The following NRXN3 variants were observed in gnomAD, a reference collection of about 807,000 sequenced individuals.
NRXN3 encodes the protein neurexin III.
A neutral mutation model predicts 137.6 loss-of-function variants in NRXN3; 32 were observed. The ratio of observed to expected loss-of-function variants is 0.23; its 90% CI spans 0.18 to 0.31. NRXN3 has a LOEUF of 0.31. Among genes scored for constraint, NRXN3 ranks in the 10% least tolerant of loss-of-function variants. The probability of loss-of-function intolerance (pLI) is 1.00; values close to 1 mark genes in which losing one functional copy is unlikely to be tolerated. For missense variants in NRXN3, 1,574 were observed against 2,062.5 expected (o/e 0.76, Z 4.59); for synonymous variants, 798 against 784.5 (o/e 1.02, Z -0.29).
At chr14:79,631,622 T>G (rs1243302054) in intron 16 of NRXN3, among the ~76,000 whole-genome samples, 1 of 152,232 alleles carries the variant, frequency 6.6e-6, no homozygotes, top group Admixed American at 6.5e-5. Flanking sequence ...AAGTCGCCAG[T>G]GAGTGCCACT....
chr14:78,321,109 C>T (rs1470924307), intron 4 of NRXN3, among the ~76,000 whole-genome samples: 2 of 149,104 alleles, frequency 1.3e-5, no homozygotes, highest in Non-Finnish European at 3.0e-5. Context: ...AGCGAGACTT[C>T]ATTTCAAAAA....
intron 17 of NRXN3, among the ~76,000 whole-genome samples, chr14:79,677,218 G>A (rs1181553053): frequency 6.6e-6 from 1 of 151,748 alleles, no homozygotes; most frequent in Non-Finnish European, 1.5e-5. Context: ...CTCAAAGGGT[G>A]GATTGCCAAG....
intron 19 of NRXN3, among the ~76,000 whole-genome samples, chr14:79,783,364 G>A (rs2099119804): frequency 6.6e-6 from 1 of 152,196 alleles, no homozygotes; most frequent in Non-Finnish European, 1.5e-5. Context: ...ACATTTAAAT[G>A]TTACAGATTG....
At chr14:78,918,422 A>G (rs1870060717) in intron 10 of NRXN3, among the ~76,000 whole-genome samples, 1 of 152,162 alleles carries the variant, frequency 6.6e-6, no homozygotes, top group South Asian at 2.1e-4. Flanking sequence ...TTTTATGTGG[A>G]AGAACAGAAC....
intron 19 of NRXN3, among the ~76,000 whole-genome samples, chr14:79,710,051 T>C (rs192427217): frequency 2.6e-5 from 4 of 152,274 alleles, no homozygotes; most frequent in Admixed American, 6.5e-5. Context: ...TTTGTTATGA[T>C]TGTTGTCCTT....
intron 2 of NRXN3, among the ~76,000 whole-genome samples, chr14:78,274,579 G>T (rs890014135): frequency 2.6e-5 from 4 of 152,198 alleles, no homozygotes; most frequent in African/African-American, 9.6e-5. Context: ...AGAAGAACCA[G>T]GTTCCCCAAA....
chr14:79,801,006 C>G (rs2099177554), intron 19 of NRXN3, among the ~76,000 whole-genome samples: 1 of 152,206 alleles, frequency 6.6e-6, no homozygotes, highest in Admixed American at 6.5e-5. Flanking sequence ...CAGAGGAAGT[C>G]TTTCCATACT....
At chr14:79,761,287 T>C (rs2099037522) in intron 19 of NRXN3, among the ~76,000 whole-genome samples, 1 of 151,668 alleles carries the variant, frequency 6.6e-6, no homozygotes, top group Non-Finnish European at 1.5e-5. Flanking sequence ...TAAAGCTCAG[T>C]TCAACGCAAT....
At chr14:78,363,593 C>G (rs772202563) in intron 4 of NRXN3, among the ~76,000 whole-genome samples, 5 of 152,184 alleles carry the variant, frequency 3.3e-5, no homozygotes, top group Non-Finnish European at 7.3e-5. Flanking sequence ...GAACTCAGCC[C>G]TGACTTCCAA....
At chr14:79,579,983 T>A (rs999496262) in intron 16 of NRXN3, among the ~76,000 whole-genome samples, 4 of 152,172 alleles carry the variant, frequency 2.6e-5, no homozygotes, top group Admixed American at 1.3e-4. Context: ...ATCATTCTAC[T>A]CTCTACCTTC....
At chr14:79,520,081 T>C (rs1471319084) in intron 16 of NRXN3, among the ~76,000 whole-genome samples, 1 of 152,116 alleles carries the variant, frequency 6.6e-6, no homozygotes, top group East Asian at 1.9e-4. Flanking sequence ...ATTTGGTTCA[T>C]AACTAGTTAT....
chr14:78,403,589 G>A (rs1372549885), intron 4 of NRXN3: 3 of 353,770 alleles, frequency 8.5e-6, no homozygotes, highest in South Asian at 1.1e-4. Flanking sequence ...ACCCTGTCCC[G>A]GGCCCCAGAT....
Position 79,385,906 on chromosome 14 carries a change from C to G in NRXN3, c.3263-81315C>G, listed in dbSNP as rs552446883. On this transcript the variant is annotated intron_variant, in intron 15 of 20. Coordinates refer to ENST00000335750, the MANE Select transcript of NRXN3 (RefSeq NM_001330195.2). ...AAAGGCGTTTGACAAAATTCAACAG[C>G]CCTTCATGCTAAAAACTCAATAAAT... Among the ~76,000 whole-genome samples, 99 of 152,194 alleles carry G rather than the reference C, an allele frequency of 6.5e-4. 1 individual carries two copies. The highest frequency in any genetic ancestry group is 1.2e-3 in the Non-Finnish European group (79 of 68,012).
At chr14:78,314,296 T>C (rs1567232494) in intron 4 of NRXN3, among the ~76,000 whole-genome samples, 1 of 152,158 alleles carries the variant, frequency 6.6e-6, no homozygotes, top group Non-Finnish European at 1.5e-5. Context: ...GCAATGTATA[T>C]TACTCAGGGC....
chr14:79,664,050 G>A (rs1459788125), intron 17 of NRXN3, 101 bp downstream of exon 17: 3 of 1,182,308 alleles, frequency 2.5e-6, no homozygotes, highest in Admixed American at 1.9e-5. Context: ...CCAGAACACT[G>A]AGTGAAGTAC....
At chr14:78,877,657 C>A (rs1233850254) in intron 10 of NRXN3, among the ~76,000 whole-genome samples, 1 of 152,078 alleles carries the variant, frequency 6.6e-6, no homozygotes, top group African/African-American at 2.4e-5. Context: ...TTTATGAATC[C>A]ATGTGTAATG....
intron 4 of NRXN3, among the ~76,000 whole-genome samples, chr14:78,473,392 A>T (rs1262547134): frequency 1.5e-5 from 2 of 135,086 alleles, no homozygotes; most frequent in Non-Finnish European, 3.2e-5. Context: ...ACAGAGCGAG[A>T]CTCTGTCTCA....
chr14:78,582,557 G>A (rs1206125904), intron 4 of NRXN3, among the ~76,000 whole-genome samples: 1 of 152,108 alleles, frequency 6.6e-6, no homozygotes, highest in African/African-American at 2.4e-5. Flanking sequence ...TATTTCAAGA[G>A]TGGGTTGTTA....
At chr14:78,513,965 G>C (rs1205268367) in intron 4 of NRXN3, among the ~76,000 whole-genome samples, 2 of 152,096 alleles carry the variant, frequency 1.3e-5, no homozygotes, top group Admixed American at 6.6e-5. Context: ...TTCTGGGTCA[G>C]TTCTCTTTAA....
Sources: allele counts gnomAD v4.1 joint callset (sites outside exome capture counted in the v4.1 genomes callset), GRCh38; gene constraint gnomAD v4.1.1; transcripts MANE v1.5; gene names NCBI Gene and HGNC (gene_info 2026-07-23, HGNC 2026-07-21).